PIK3R1: variants seen among roughly 807,000 people sequenced by gnomAD.
PIK3R1 encodes phosphoinositide-3-kinase regulatory subunit 1.
In PIK3R1, 29 loss-of-function variants were observed where a neutral mutation model predicts 98.0. That is an observed-to-expected ratio of 0.30 (90% confidence interval 0.22 to 0.40). The LOEUF (loss-of-function observed/expected upper bound fraction) is 0.40. PIK3R1 is among the 10% of genes least tolerant of loss of function. The pLI, the probability that PIK3R1 is intolerant of heterozygous loss-of-function variation, is 1.00. For missense variants in PIK3R1, 596 were observed against 872.7 expected, an observed-to-expected ratio of 0.68 and a Z score of 3.99; for synonymous variants, 282 against 311.8, an observed-to-expected ratio of 0.90 and a Z score of 1.01.
chr5:68,274,650 A>G (rs561144968), intron 4 of PIK3R1, among the ~76,000 whole-genome samples: 1 of 152,306 alleles, frequency 6.6e-6, no homozygotes, highest in South Asian at 2.1e-4. Context: ...ATTTCAAGCT[A>G]ACCAACATGA....
chr5:68,285,093 A>G (rs1338526038), intron 7 of PIK3R1, among the ~76,000 whole-genome samples: 1 of 152,226 alleles, frequency 6.6e-6, no homozygotes, highest in African/African-American at 2.4e-5. Flanking sequence ...TCTATTTAAC[A>G]CAGGGTGCCT....
Position 68,280,238 on chromosome 5 carries a change from T to C in PIK3R1, c.635-290T>C, listed in dbSNP as rs186219985. 141 of 443,884 alleles carry C rather than the reference T, an allele frequency of 3.2e-4. No individual in the cohort carries two copies. The East Asian group carries it at 4.7e-3, about 15-fold the overall frequency. 27.5% of individuals were successfully genotyped at this position (443,884 alleles called of 1,614,324 possible). On this transcript the variant is annotated intron_variant, in intron 5 of 15. Coordinates refer to ENST00000521381, the MANE Select transcript of PIK3R1 (RefSeq NM_181523.3). ...TCTGATGCTCCTCTGAGTTAGCCAA[T>C]CACACTTGAAGCTGCTCAATACTGG...
chr5:68,258,195 A>G (rs863818), intron 2 of PIK3R1, among the ~76,000 whole-genome samples: 50,115 of 152,144 alleles, frequency 0.33, 10,168 homozygotes, highest in Non-Finnish European at 0.44. Flanking sequence ...AAAATCCTCC[A>G]TAGCTCGTGG....
intron 2 of PIK3R1, among the ~76,000 whole-genome samples, chr5:68,243,324 A>G (rs1744940445): frequency 6.6e-6 from 1 of 152,236 alleles, no homozygotes. Flanking sequence ...CTTTGATTAG[A>G]CACATAAAAC....
Position 68,297,897 on chromosome 5 carries a change from A to T in PIK3R1, c.*296A>T, listed in dbSNP as rs1433037535. 3.8e-6 allele frequency: 1 copy of T among 266,334 alleles called. No homozygotes were observed. The highest frequency in any genetic ancestry group is 7.1e-6 in the Non-Finnish European group (1 of 140,518). 16.5% of individuals were successfully genotyped at this position (266,334 alleles called of 1,614,324 possible). ...CACAAAGAGAAAAAGAAATGCAAAA[A>T]TCTCTGCGTGCAGGGACAAAGAGGC... On this transcript the variant is annotated 3_prime_UTR_variant, in exon 16 of 16. Coordinates refer to ENST00000521381, the MANE Select transcript of PIK3R1 (RefSeq NM_181523.3).
At position 68,218,964 on chromosome 5, in the gene PIK3R1, C is replaced by T. The variant is rs566025599; in HGVS notation, c.-387+3015C>T. Reference sequence around the variant, plus strand: ...ACTGCATTTTCCCATGCCTCCTTTACGTACACCCTAATGCCCTAATGTGAT... The same window carrying T: ...ACTGCATTTTCCCATGCCTCCTTTATGTACACCCTAATGCCCTAATGTGAT... On this transcript the variant is annotated intron_variant, in intron 1 of 15. Transcript: ENST00000521381. 1.1e-4 allele frequency among the ~76,000 whole-genome samples: 17 copies of T among 152,290 alleles called. 2 individuals are homozygous for T. In the South Asian group the frequency reaches 3.1e-3, roughly 28 times the overall value.
At chr5:68,229,895 G>A (rs1009573395) in intron 2 of PIK3R1, among the ~76,000 whole-genome samples, 3 of 152,182 alleles carry the variant, frequency 2.0e-5, no homozygotes, top group Admixed American at 6.5e-5. Flanking sequence ...TTTTTAGGAA[G>A]CCCTGGCATA....
In PIK3R1 at chr5:68,292,306, A is replaced by G. The variant is rs147541581; in HGVS notation, c.964A>G (p.Met322Val). The G allele has an allele frequency of 1.9e-6, 3 of 1,613,610 alleles. No homozygotes were observed. Among genetic ancestry groups the G allele is most frequent in the Non-Finnish European group, 2.5e-6 (3 of 1,179,622 alleles). ...ACCTACTACTGTAGCCAACAACGGT[A>G]TGAATAACAATATGTCCTTACAAGA... is the stretch of plus-strand genomic sequence containing the variant. Reference protein sequence around the residue: ...PKPTTVANNGMNNNMSLQDAE... With the variant: ...PKPTTVANNGVNNNMSLQDAE... Residue 322 changes from methionine to valine, a missense_variant, in exon 8 of 16, where the codon ATG becomes GTG. Around this residue, in one of 3 missense-constraint regions of PIK3R1, gnomAD observed 352 missense variants for 393.3 expected, o/e 0.90. Coordinates refer to ENST00000521381, the MANE Select transcript of PIK3R1 (RefSeq NM_181523.3).
At chr5:68,258,186 A>C (rs574002742) in intron 2 of PIK3R1, among the ~76,000 whole-genome samples, 1 of 152,344 alleles carries the variant, frequency 6.6e-6, no homozygotes, top group African/African-American at 2.4e-5. Context: ...AATTGCTTCA[A>C]AATCCTCCAT....
At chr5:68,238,505 T>A (rs1744747768) in intron 2 of PIK3R1, among the ~76,000 whole-genome samples, 1 of 152,144 alleles carries the variant, frequency 6.6e-6, no homozygotes, top group South Asian at 2.1e-4. Flanking sequence ...CAGAAAGTAG[T>A]CAGGCGGTTA....
At chr5:68,290,539 G>A (rs766167567) in intron 7 of PIK3R1, 3 of 629,154 alleles carry the variant, frequency 4.8e-6, no homozygotes, top group African/African-American at 3.8e-5. Flanking sequence ...TGTTAAGGCT[G>A]GTATGGAAGA....
At chr5:68,273,532 A>T (rs761918175) in intron 3 of PIK3R1, 50 bp downstream of exon 3, 3 of 1,398,802 alleles carry the variant, frequency 2.1e-6, no homozygotes, top group Non-Finnish European at 3.0e-6. Flanking sequence ...CCCTTATTTC[A>T]TGGCTCTTAT....
At chr5:68,282,264 G>A (rs542556839) in intron 7 of PIK3R1, among the ~76,000 whole-genome samples, 1 of 152,326 alleles carries the variant, frequency 6.6e-6, no homozygotes, top group Admixed American at 6.5e-5. Context: ...ACAGGTCACT[G>A]TGAATGGATT....
intron 2 of PIK3R1, 44 bp from the exon 3 acceptor site, chr5:68,273,346 A>G (rs1178319963): frequency 6.5e-7 from 1 of 1,530,270 alleles, no homozygotes; most frequent in South Asian, 1.1e-5. Context: ...TAATGCATTC[A>G]ACTATCCAAA....
chr5:68,300,625 T>C lies in PIK3R1; in HGVS notation c.*3024T>C, dbSNP rs1242307740. The C allele has an allele frequency of 4.3e-6, 1 of 233,194 alleles. No homozygotes were observed. The highest frequency in any genetic ancestry group is 5.6e-5 in the Admixed American group (1 of 17,774). The allele number at this position is 233,194 out of a possible 1,614,324, so 14.4% of individuals were successfully genotyped here. On this transcript the variant is annotated 3_prime_UTR_variant, in exon 16 of 16. Transcript: ENST00000521381. ...ATAACTTCATGGCCTTTGATAAATGTATATATGTATATGTGCATGGACTGT... is the reference window on the plus strand; with the variant it reads ...ATAACTTCATGGCCTTTGATAAATGCATATATGTATATGTGCATGGACTGT...
intron 2 of PIK3R1, among the ~76,000 whole-genome samples, chr5:68,263,591 G>C (rs1308188768): frequency 6.6e-6 from 1 of 152,068 alleles, no homozygotes; most frequent in African/African-American, 2.4e-5. Context: ...AGTAGTGAAA[G>C]TATATTGCTT....
rs189981500 is a variant in PIK3R1 at position 68,277,943 on chromosome 5, C to G, written c.503-1659C>G. On this transcript the variant is annotated intron_variant, in intron 4 of 15. Transcript: ENST00000521381. Reference sequence around the variant, plus strand: ...TATCTTGCCCATCAGCCCACCTTTGCTCCACTGAGTACACAAGTCCCCAGA... The same window carrying G: ...TATCTTGCCCATCAGCCCACCTTTGGTCCACTGAGTACACAAGTCCCCAGA... Among the ~76,000 whole-genome samples, 242 of 152,226 alleles carry G rather than the reference C, an allele frequency of 1.6e-3. 1 individual carries two copies. The highest frequency in any genetic ancestry group is 5.5e-3 in the African/African-American group (229 of 41,536).
intron 7 of PIK3R1, among the ~76,000 whole-genome samples, chr5:68,290,021 A>C (rs1335998150): frequency 6.6e-6 from 1 of 152,178 alleles, no homozygotes; most frequent in Non-Finnish European, 1.5e-5. Flanking sequence ...CTGCATTCCT[A>C]TTCAGAATTT....
In PIK3R1 at chr5:68,278,990, G is replaced by A. The variant is rs181942088; in HGVS notation, c.503-612G>A. Among the ~76,000 whole-genome samples, 1,081 of 152,256 alleles carry A rather than the reference G, an allele frequency of 7.1e-3. 5 individuals are homozygous for A. The highest frequency in any genetic ancestry group is 0.01 in the Middle Eastern group (3 of 294). ...GTGGTTCTGGAGGCTAGAAGTCCGA[G>A]AAAAAAGCATGTTTGGTTTCCCCTG... is the stretch of plus-strand genomic sequence containing the variant. On this transcript the variant is annotated intron_variant, in intron 4 of 15. Coordinates refer to ENST00000521381, the MANE Select transcript of PIK3R1 (RefSeq NM_181523.3).
Sources: gnomAD v4.1 joint callset for allele counts (sites outside exome capture counted in the v4.1 genomes callset) on GRCh38, gnomAD v4.1.1 for gene constraint, gnomAD v4.1.1 regional missense constraint, MANE v1.5 for transcripts, NCBI Gene and HGNC (gene_info 2026-07-23, HGNC 2026-07-21) for gene names.